The following NAPEPLD variants were observed in gnomAD, a reference collection of about 807,000 sequenced individuals.
The protein encoded by NAPEPLD is N-acyl-phosphatidylethanolamine-hydrolyzing phospholipase D.
NAPEPLD carries 23 observed loss-of-function variants against 38.1 expected under a neutral mutation model. The ratio of observed to expected loss-of-function variants is 0.60; its 90% CI spans 0.43 to 0.86. The LOEUF is 0.86. NAPEPLD is among the 40% of genes least tolerant of loss of function. The pLI is 0.00. For missense variants in NAPEPLD, 411 were observed against 476.8 expected, an observed-to-expected ratio of 0.86 and a Z score of 1.28; for synonymous variants, 147 against 162.0, an observed-to-expected ratio of 0.91 and a Z score of 0.71.
intron 2 of NAPEPLD, among the ~76,000 whole-genome samples, chr7:103,125,921 A>AATAATAATAAT (rs1193736262): frequency 1.9e-4 from 27 of 141,508 alleles, no homozygotes; most frequent in Middle Eastern, 3.7e-3. Flanking sequence ...TAATAATAAT[A>AATAATAATAAT]AATAAAAATG....
chr7:103,118,554 A>G (rs149450037), intron 3 of NAPEPLD, among the ~76,000 whole-genome samples: 22 of 152,260 alleles, frequency 1.4e-4, no homozygotes, highest in African/African-American at 5.1e-4. Context: ...GATTCATTCA[A>G]TTCATCTATG....
intron 3 of NAPEPLD, 141 bp from the exon 4 acceptor site, chr7:103,115,315 A>G: frequency 3.5e-6 from 2 of 577,802 alleles, no homozygotes; most frequent in South Asian, 2.7e-5. Context: ...TAAAACATGC[A>G]GTTTTGGGGA....
At chr7:103,120,847 T>A (rs1806551190) in intron 2 of NAPEPLD, among the ~76,000 whole-genome samples, 1 of 151,298 alleles carries the variant, frequency 6.6e-6, no homozygotes, top group Non-Finnish European at 1.5e-5. Context: ...TCAGCTGGGA[T>A]CACAGGCACA....
intron 1 of NAPEPLD, among the ~76,000 whole-genome samples, chr7:103,135,412 C>G (rs1160649008): frequency 6.6e-6 from 1 of 152,126 alleles, no homozygotes; most frequent in East Asian, 1.9e-4. Context: ...ACTGGTATTA[C>G]TCCCAGAGGC....
At chr7:103,129,180 G>A (rs1050167867) in intron 1 of NAPEPLD, 4 of 360,184 alleles carry the variant, frequency 1.1e-5, no homozygotes, top group African/African-American at 2.2e-5. Flanking sequence ...CAGGAGAATC[G>A]CTTGAACCCT....
chr7:103,117,946 G>A (rs1281217960), intron 3 of NAPEPLD, among the ~76,000 whole-genome samples: 1 of 152,202 alleles, frequency 6.6e-6, no homozygotes, highest in East Asian at 1.9e-4. Context: ...ACGTTGGGAG[G>A]CCGACACAGG....
chr7:103,114,658 T>C (rs1346254620), intron 4 of NAPEPLD, among the ~76,000 whole-genome samples: 1 of 152,206 alleles, frequency 6.6e-6, no homozygotes. Flanking sequence ...CCATCTCATC[T>C]GTTCCACATT....
Position 103,101,367 on chromosome 7 carries a change from C to T in NAPEPLD, c.*2062G>A, listed in dbSNP as rs1420038206. On this transcript the variant is annotated 3_prime_UTR_variant, in exon 5 of 5. Transcript: ENST00000465647. ...TACACATTTCCCCTTGACTGATTCG[C>T]ATCTTTGTAGATAAACACTAAATTT... is the stretch of plus-strand genomic sequence containing the variant. 6.6e-6 allele frequency: 1 copy of T among 152,228 alleles called. No homozygotes were observed. The highest frequency in any genetic ancestry group is 1.9e-4 in the East Asian group (1 of 5,182). 9.4% of individuals were successfully genotyped at this position (152,228 alleles called of 1,614,324 possible).
At position 103,119,792 on chromosome 7, in the gene NAPEPLD, A is replaced by G; in HGVS notation, c.726T>C (p.Asp242=). The change falls in exon 3 of 5, where the codon GAT becomes GAC. Residue 242 remains aspartate, a synonymous_variant. Coordinates refer to ENST00000465647, the MANE Select transcript of NAPEPLD (RefSeq NM_001122838.3). The part of the protein sequence containing the change: ...WWEENCVPGH[D]KVTFVFTPSQ... ...AAGGTGTAAAGACAAAAGTGACCTT[A>G]TCATGTCCGGGGACACAATTCTCCT... is the stretch of plus-strand genomic sequence containing the variant. 6.2e-7 allele frequency: 1 copy of G among 1,614,198 alleles called. No individual in the cohort carries two copies. Among genetic ancestry groups the G allele is most frequent in the East Asian group, 2.2e-5 (1 of 44,884 alleles).
intron 1 of NAPEPLD, among the ~76,000 whole-genome samples, chr7:103,143,502 T>C (rs1811909045): frequency 6.6e-6 from 1 of 152,154 alleles, no homozygotes; most frequent in Non-Finnish European, 1.5e-5. Context: ...GCCAGGTTGG[T>C]GACACTTTGA....
intron 2 of NAPEPLD, among the ~76,000 whole-genome samples, chr7:103,124,920 C>T (rs1456832592): frequency 6.6e-6 from 1 of 152,134 alleles, no homozygotes; most frequent in Non-Finnish European, 1.5e-5. Context: ...CCTTCGATGG[C>T]ATAAATATTA....
intron 1 of NAPEPLD, among the ~76,000 whole-genome samples, chr7:103,134,182 G>A (rs1486908143): frequency 1.3e-5 from 2 of 152,046 alleles, no homozygotes; most frequent in Non-Finnish European, 2.9e-5. Flanking sequence ...TGAAAACATT[G>A]CTCTTGATAA....
At chr7:103,137,699 C>G (rs1460869482) in intron 1 of NAPEPLD, among the ~76,000 whole-genome samples, 6 of 151,420 alleles carry the variant, frequency 4.0e-5, no homozygotes, top group Non-Finnish European at 5.9e-5. Flanking sequence ...ATCTGTAGTC[C>G]CAGCTACTCA....
Position 103,141,344 on chromosome 7 carries a change from A to G in NAPEPLD, c.-17+7467T>C, listed in dbSNP as rs574465039. 168 of 655,894 alleles carry G rather than the reference A, an allele frequency of 2.6e-4. 1 individual carries two copies. Among genetic ancestry groups the G allele is most frequent in the South Asian group, 2.2e-3 (158 of 71,988 alleles). The allele number at this position is 655,894 out of a possible 1,614,324, so 40.6% of individuals were successfully genotyped here. On this transcript the variant is annotated intron_variant, in intron 1 of 4. Transcript: ENST00000465647. ...GGCCAGTATGTACACACAAAGGGGC[A>G]GCTTTTATTTCTTGGTCTCTTCCTC...
At position 103,128,556 on chromosome 7, in the gene NAPEPLD, T is replaced by C. The variant is rs146634695; in HGVS notation, c.221A>G (p.Asn74Ser). Reference protein sequence around the residue: ...RFVNPWPTWKNPSIPNVLRWL... With the variant: ...RFVNPWPTWKSPSIPNVLRWL... ...TCTGAGAACATTTGGAATAGAGGGGTTTTTCCATGTTGGCCACGGATTCAC... is the reference window on the plus strand; with the variant it reads ...TCTGAGAACATTTGGAATAGAGGGGCTTTTCCATGTTGGCCACGGATTCAC... Residue 74 changes from asparagine (N) to serine (S), a missense_variant, in exon 2 of 5, where the codon AAC (asparagine) becomes AGC (serine). Transcript: ENST00000465647. 11 of 1,613,838 alleles carry C rather than the reference T, an allele frequency of 6.8e-6. No individual in the cohort carries two copies. In the African/African-American group the frequency reaches 1.1e-4, roughly 16 times the overall value.
Position 103,148,880 on chromosome 7 carries a change from C to A in NAPEPLD, c.-86G>T, listed in dbSNP as rs1813154212. The A allele has an allele frequency of 1.3e-5, 13 of 985,308 alleles. No individual in the cohort carries two copies. Among genetic ancestry groups the A allele is most frequent in the African/African-American group, 1.7e-5 (1 of 57,242 alleles). The allele number at this position is 985,308 out of a possible 1,614,324, so 61.0% of individuals were successfully genotyped here. ...AGATAGGATCTCAAATCCCAGACAG[C>A]TACTCTCCCAAAGAGAAAAAAAATA... is the stretch of plus-strand genomic sequence containing the variant. On this transcript the variant is annotated 5_prime_UTR_variant, in exon 1 of 5. Coordinates refer to ENST00000465647, the MANE Select transcript of NAPEPLD (RefSeq NM_001122838.3).
intron 1 of NAPEPLD, among the ~76,000 whole-genome samples, chr7:103,140,447 C>T (rs1234261210): frequency 7.9e-6 from 1 of 126,686 alleles, no homozygotes; most frequent in East Asian, 2.6e-4. Context: ...GGCTGGAGTG[C>T]AGTGGCGTGA....
At chr7:103,135,279 A>T (rs1809795558) in intron 1 of NAPEPLD, among the ~76,000 whole-genome samples, 1 of 152,358 alleles carries the variant, frequency 6.6e-6, no homozygotes, top group East Asian at 1.9e-4. Context: ...GGCCCTTTTG[A>T]TACAATGCTA....
In NAPEPLD at chr7:103,143,165, T is replaced by A. The variant is rs570999454; in HGVS notation, c.-17+5646A>T. 2.3e-4 allele frequency among the ~76,000 whole-genome samples: 35 copies of A among 152,070 alleles called. No homozygotes were observed. The South Asian group carries it at 7.3e-3, about 32-fold the overall frequency. ...TTGCTTGAGCCCAGGAGGTCAAGGCTGTAGTGAGCCGTGATCATGCCACTG... is the reference window on the plus strand; with the variant it reads ...TTGCTTGAGCCCAGGAGGTCAAGGCAGTAGTGAGCCGTGATCATGCCACTG... On this transcript the variant is annotated intron_variant, in intron 1 of 4. Transcript: ENST00000465647.
Sources: allele counts gnomAD v4.1 joint callset (sites outside exome capture counted in the v4.1 genomes callset), GRCh38; gene constraint gnomAD v4.1.1; transcripts MANE v1.5; gene names NCBI Gene and HGNC (gene_info 2026-07-23, HGNC 2026-07-21).